Variants in SPAG16 observed in about 807,000 individuals in gnomAD.
The protein encoded by SPAG16 is sperm associated antigen 16, also known as sperm-associated antigen 16 protein.
SPAG16 carries 86 observed loss-of-function variants against 80.4 expected under a neutral mutation model. The ratio of observed to expected loss-of-function variants is 1.07; its 90% CI spans 0.90 to 1.28. The LOEUF (loss-of-function observed/expected upper bound fraction) is 1.28, where lower values mean the gene tolerates loss of function less well. Among genes scored for constraint, SPAG16 ranks in the 50% most tolerant of loss-of-function variants. The pLI, the probability that SPAG16 is intolerant of heterozygous loss-of-function variation, is 0.00. For missense variants in SPAG16, 870 were observed against 765.3 expected (o/e 1.14, Z -1.61); for synonymous variants, 294 against 265.9 (o/e 1.11, Z -1.03).
intron 15 of SPAG16, among the ~76,000 whole-genome samples, chr2:214,167,009 A>C (rs552888730): frequency 2.0e-5 from 3 of 152,284 alleles, no homozygotes; most frequent in African/African-American, 7.2e-5. Flanking sequence ...AGTTAGAAAG[A>C]GAGGAGGAGA....
At chr2:213,349,957 T>C (rs986667046) in intron 6 of SPAG16, among the ~76,000 whole-genome samples, 39 of 152,198 alleles carry the variant, frequency 2.6e-4, no homozygotes, top group Non-Finnish European at 1.5e-4. Flanking sequence ...TCCATGTAAA[T>C]TACACTTCAA....
intron 13 of SPAG16, among the ~76,000 whole-genome samples, chr2:214,020,659 A>G (rs1438946285): frequency 6.6e-6 from 1 of 152,180 alleles, no homozygotes; most frequent in African/African-American, 2.4e-5. Context: ...AAAGGAAAAA[A>G]TGTATGATGA....
At chr2:213,562,899 G>T (rs1206912465) in intron 10 of SPAG16, among the ~76,000 whole-genome samples, 1 of 152,194 alleles carries the variant, frequency 6.6e-6, no homozygotes, top group African/African-American at 2.4e-5. Context: ...GCTCTCTGAA[G>T]TCTCTTATAA....
intron 12 of SPAG16, among the ~76,000 whole-genome samples, chr2:213,943,264 A>G (rs950108691): frequency 6.6e-6 from 1 of 152,174 alleles, no homozygotes; most frequent in Non-Finnish European, 1.5e-5. Context: ...GAAGTAGGTA[A>G]TGGGTAGAGT....
chr2:213,416,259 C>T (rs184660586), intron 9 of SPAG16, among the ~76,000 whole-genome samples: 1 of 152,206 alleles, frequency 6.6e-6, no homozygotes, highest in East Asian at 1.9e-4. Context: ...ATGCAACCAA[C>T]TCTGCCACAC....
At chr2:213,592,617 G>C (rs905411664) in intron 10 of SPAG16, among the ~76,000 whole-genome samples, 4 of 152,140 alleles carry the variant, frequency 2.6e-5, no homozygotes, top group Non-Finnish European at 4.4e-5. Flanking sequence ...CCTTTTAGCA[G>C]TTCCTTGGGG....
chr2:214,249,423 A>C (rs1474329426), intron 15 of SPAG16, among the ~76,000 whole-genome samples: 1 of 152,036 alleles, frequency 6.6e-6, no homozygotes, highest in Non-Finnish European at 1.5e-5. Flanking sequence ...AGAGGAGGGA[A>C]AGGAGAAGGA....
intron 12 of SPAG16, among the ~76,000 whole-genome samples, chr2:214,011,825 A>G (rs899743465): frequency 1.3e-5 from 2 of 152,160 alleles, no homozygotes; most frequent in Admixed American, 6.6e-5. Flanking sequence ...TTACATACAT[A>G]TTCATATACA....
intron 11 of SPAG16, among the ~76,000 whole-genome samples, chr2:213,884,685 T>C (rs931848631): frequency 2.0e-5 from 3 of 152,238 alleles, no homozygotes; most frequent in Non-Finnish European, 2.9e-5. Flanking sequence ...AGAGGTTTTG[T>C]TCATGTTTTA....
rs140951197 is a variant in SPAG16 at position 213,512,892 on chromosome 2, GC to G, written c.1070+22806del. ...GGCACTCCCACCAAGACTGGAAATA[GC>G]CCCAAACTGCTGCTGGTAATTCCTG... is the stretch of plus-strand genomic sequence containing the variant. On this transcript the variant is annotated intron_variant, in intron 10 of 15. Transcript: ENST00000331683. 7.4e-3 allele frequency among the ~76,000 whole-genome samples: 1,132 copies of G among 151,958 alleles called. 8 individuals carry two copies. The highest frequency in any genetic ancestry group is 0.025 in the African/African-American group (1,025 of 41,468).
chr2:213,310,062 C>A lies in SPAG16; in HGVS notation c.283C>A (p.Arg95=). The change falls in exon 4 of 16, where the codon CGG becomes AGG. Residue 95 remains arginine (R), a synonymous_variant. Coordinates refer to ENST00000331683, the MANE Select transcript of SPAG16 (RefSeq NM_024532.5). The part of the protein sequence containing the change: ...EQATDTEILE[R]KTVLPSKHAV... The stretch of plus-strand genomic sequence containing the variant: ...TAAATGCACGTTTAAATTTCAGGAA[C>A]GGAAAACAGTTCTTCCTTCAAAGCA... 6.3e-7 allele frequency: 1 copy of A among 1,590,626 alleles called. No homozygotes were observed. Among genetic ancestry groups the A allele is most frequent in the African/African-American group, 1.4e-5 (1 of 73,942 alleles).
intron 13 of SPAG16, among the ~76,000 whole-genome samples, chr2:214,065,396 G>A (rs2050485332): frequency 6.6e-6 from 1 of 152,022 alleles, no homozygotes; most frequent in Non-Finnish European, 1.5e-5. Flanking sequence ...AACATAGTAG[G>A]TATACAATAA....
chr2:213,786,444 G>A (rs561116576), intron 10 of SPAG16, among the ~76,000 whole-genome samples: 1 of 152,210 alleles, frequency 6.6e-6, no homozygotes, highest in South Asian at 2.1e-4. Context: ...AATTATGATT[G>A]AACTAAATGG....
intron 10 of SPAG16, among the ~76,000 whole-genome samples, chr2:213,755,723 G>C (rs570564917): frequency 6.6e-6 from 1 of 152,258 alleles, no homozygotes; most frequent in South Asian, 2.1e-4. Context: ...TGATGACTGA[G>C]ATGATAGCTG....
intron 13 of SPAG16, among the ~76,000 whole-genome samples, chr2:214,102,239 G>A (rs1361870146): frequency 6.6e-6 from 1 of 150,780 alleles, no homozygotes; most frequent in Non-Finnish European, 1.5e-5. Context: ...ACGGAGGAGT[G>A]GATGAGTTTG....
At chr2:214,384,436 G>A (rs972099004) in intron 15 of SPAG16, among the ~76,000 whole-genome samples, 3 of 152,160 alleles carry the variant, frequency 2.0e-5, no homozygotes, top group African/African-American at 7.2e-5. Flanking sequence ...TAATACCTAT[G>A]TCTCCAGTGT....
At chr2:213,297,880 A>C (rs1375975049) in intron 3 of SPAG16, among the ~76,000 whole-genome samples, 1 of 152,194 alleles carries the variant, frequency 6.6e-6, no homozygotes, top group East Asian at 1.9e-4. Flanking sequence ...AAAACTCATT[A>C]AAATTGTGAA....
intron 15 of SPAG16, among the ~76,000 whole-genome samples, chr2:214,294,180 A>G (rs929225003): frequency 5.9e-5 from 9 of 152,172 alleles, no homozygotes; most frequent in African/African-American, 2.2e-4. Flanking sequence ...CGCAATCTGT[A>G]GGCAGCTCCC....
chr2:213,867,926 C>CAAAAAAAAAAAAAAAAAAAAAAAAAAAA (rs35795865), intron 11 of SPAG16, among the ~76,000 whole-genome samples: 1 of 45,884 alleles, frequency 2.2e-5, no homozygotes, highest in Non-Finnish European at 4.5e-5. Flanking sequence ...TCTGTCTCAA[C>CAAAAAAAAAAAAAAAAAAAAAAAAAAAA]AAAAAAAAAA....
Sources: allele counts gnomAD v4.1 joint callset (sites outside exome capture counted in the v4.1 genomes callset), GRCh38; gene constraint gnomAD v4.1.1; transcripts MANE v1.5; gene names NCBI Gene and HGNC (gene_info 2026-07-23, HGNC 2026-07-21).